The following MYO3A variants were observed in gnomAD, a reference collection of about 807,000 sequenced individuals.
MYO3A encodes myosin IIIA.
A neutral mutation model predicts 192.7 loss-of-function variants in MYO3A; 180 were observed. The ratio of observed to expected loss-of-function variants is 0.93; its 90% CI spans 0.83 to 1.06. The LOEUF is 1.06. Among genes scored for constraint, MYO3A ranks in the 50% least tolerant of loss-of-function variants. The pLI, the probability that MYO3A is intolerant of heterozygous loss-of-function variation, is 0.00. For synonymous variants in MYO3A, 628 were observed against 645.3 expected, an observed-to-expected ratio of 0.97 and a Z score of 0.41; for missense variants, 1,896 against 1,905.0, an observed-to-expected ratio of 1.00 and a Z score of 0.09.
intron 4 of MYO3A, among the ~76,000 whole-genome samples, chr10:25,972,976 T>A (rs1838752127): frequency 6.6e-6 from 1 of 152,212 alleles, no homozygotes; most frequent in Non-Finnish European, 1.5e-5. Flanking sequence ...CAGTTCTTCT[T>A]AGCTGTTTCT....
intron 10 of MYO3A, among the ~76,000 whole-genome samples, chr10:26,054,026 C>T (rs377684532): frequency 1.4e-4 from 21 of 152,036 alleles, no homozygotes; most frequent in African/African-American, 4.8e-4. Context: ...GTTAGAGGCT[C>T]GGCCAAGAGG....
chr10:26,159,481 G>A (rs897350486), intron 26 of MYO3A, among the ~76,000 whole-genome samples: 6 of 146,926 alleles, frequency 4.1e-5, no homozygotes, highest in African/African-American at 1.5e-4. Context: ...GCAAACTCAC[G>A]CCATTCTCCT....
At position 26,070,075 on chromosome 10, in the gene MYO3A, A is replaced by C. The variant is rs752892360; in HGVS notation, c.1171-36A>C. 16 of 1,476,268 alleles carry C rather than the reference A, an allele frequency of 1.1e-5. No homozygotes were observed. In the Admixed American group the frequency reaches 2.8e-4, roughly 26 times the overall value. The allele number at this position is 1,476,268 out of a possible 1,614,324, so 91.4% of individuals were successfully genotyped here. On this transcript the variant is annotated intron_variant, in intron 12 of 34. Coordinates refer to ENST00000642920, the MANE Select transcript of MYO3A (RefSeq NM_017433.5). ...ATAATTCAGGACTTAAATAAAAACA[A>C]AAAGCCCTACAAAATGTATTCTTTT...
chr10:26,001,523 G>A (rs1016974121), intron 6 of MYO3A, among the ~76,000 whole-genome samples: 2 of 152,208 alleles, frequency 1.3e-5, no homozygotes, highest in African/African-American at 4.8e-5. Context: ...CACAGGAAGT[G>A]CTCTCTGCAT....
chr10:26,025,067 C>T (rs1022857055), intron 9 of MYO3A, among the ~76,000 whole-genome samples: 9 of 152,162 alleles, frequency 5.9e-5, no homozygotes, highest in African/African-American at 1.9e-4. Context: ...AAAATAATTT[C>T]ATATGTGCCT....
intron 2 of MYO3A, among the ~76,000 whole-genome samples, chr10:25,951,748 T>C (rs944160358): frequency 5.9e-5 from 9 of 152,174 alleles, no homozygotes; most frequent in Non-Finnish European, 1.2e-4. Flanking sequence ...TTCTCTAAGG[T>C]TCATTCTAAA....
intron 15 of MYO3A, among the ~76,000 whole-genome samples, chr10:26,095,727 G>A (rs1180077513): frequency 6.6e-6 from 1 of 152,204 alleles, no homozygotes; most frequent in Non-Finnish European, 1.5e-5. Flanking sequence ...TCTGGAAAAT[G>A]CTAGTTATGC....
intron 22 of MYO3A, among the ~76,000 whole-genome samples, chr10:26,145,929 T>C (rs1272476279): frequency 6.6e-6 from 1 of 152,242 alleles, no homozygotes; most frequent in African/African-American, 2.4e-5. Flanking sequence ...TGGTTACCTA[T>C]TTGTTTCCTT....
intron 17 of MYO3A, among the ~76,000 whole-genome samples, chr10:26,117,352 A>C (rs1226099945): frequency 1.3e-5 from 2 of 152,180 alleles, no homozygotes; most frequent in African/African-American, 4.8e-5. Flanking sequence ...TTCAGGGTAC[A>C]TGTGCAGGTT....
At chr10:26,082,930 AGT>A (rs1836060080) in intron 14 of MYO3A, among the ~76,000 whole-genome samples, 2 of 152,188 alleles carry the variant, frequency 1.3e-5, no homozygotes, top group African/African-American at 4.8e-5. Context: ...ATCTTAACTG[AGT>A]ACTGATCATG....
intron 31 of MYO3A, among the ~76,000 whole-genome samples, chr10:26,186,285 T>C (rs1198427502): frequency 6.7e-6 from 1 of 149,572 alleles, no homozygotes; most frequent in African/African-American, 2.5e-5. Context: ...TTTTTTTTTT[T>C]AGATGGAGTC....
chr10:26,061,293 C>T (rs967011632), intron 10 of MYO3A, among the ~76,000 whole-genome samples: 1 of 152,172 alleles, frequency 6.6e-6, no homozygotes, highest in Non-Finnish European at 1.5e-5. Context: ...GATTTCTACA[C>T]ACAACTTTCT....
At chr10:26,043,671 T>C (rs1843482607) in intron 10 of MYO3A, among the ~76,000 whole-genome samples, 1 of 152,104 alleles carries the variant, frequency 6.6e-6, no homozygotes, top group Non-Finnish European at 1.5e-5. Context: ...TTCATTCAGC[T>C]CATGGTGAAT....
rs765346513 is a variant in MYO3A at position 26,166,077 on chromosome 10, C to T, written c.3010C>T (p.Leu1004Phe). 7 of 1,614,106 alleles carry T rather than the reference C, an allele frequency of 4.3e-6. No individual in the cohort carries two copies. The Admixed American group carries it at 8.3e-5, about 19-fold the overall frequency. The part of the protein sequence containing the change: ...FANFIKRYYL[L>F]CYKSSEEPRM... ...TTTTTCCATTCCAAGGTACTACCTT[C>T]TCTGCTACAAGTCGAGCGAGGAGCC... The change falls in exon 27 of 35, where the codon CTC becomes TTC. Residue 1004 changes from leucine (L) to phenylalanine (F), a missense_variant. Coordinates refer to ENST00000642920, the MANE Select transcript of MYO3A (RefSeq NM_017433.5).
At chr10:26,210,429 G>A (rs1490932907) in intron 34 of MYO3A, among the ~76,000 whole-genome samples, 2 of 152,098 alleles carry the variant, frequency 1.3e-5, no homozygotes, top group African/African-American at 4.8e-5. Context: ...CACACCCCAC[G>A]TTTAATCCAT....
At chr10:26,067,192 T>C in intron 11 of MYO3A, 118 bp downstream of exon 11, 1 of 701,702 alleles carries the variant, frequency 1.4e-6, no homozygotes, top group Non-Finnish European at 2.5e-6. Flanking sequence ...TTAAGAATCT[T>C]AACACTCACT....
At chr10:26,196,132 C>A (rs1843395870) in intron 32 of MYO3A, among the ~76,000 whole-genome samples, 1 of 152,218 alleles carries the variant, frequency 6.6e-6, no homozygotes. Context: ...AATACTCTGA[C>A]ATTTGTTTAT....
intron 17 of MYO3A, among the ~76,000 whole-genome samples, chr10:26,103,508 T>C (rs1388451631): frequency 6.6e-6 from 1 of 152,238 alleles, no homozygotes. Flanking sequence ...TTCGGCCATC[T>C]TGGAGTCAGT....
At chr10:26,076,872 G>A (rs190765525) in intron 14 of MYO3A, among the ~76,000 whole-genome samples, 13 of 152,202 alleles carry the variant, frequency 8.5e-5, no homozygotes, top group African/African-American at 3.1e-4. Flanking sequence ...TTTTATACGA[G>A]TACCATGCTG....
Sources: gnomAD v4.1 joint callset for allele counts (sites outside exome capture counted in the v4.1 genomes callset) on GRCh38, gnomAD v4.1.1 for gene constraint, MANE v1.5 for transcripts, NCBI Gene and HGNC (gene_info 2026-07-23, HGNC 2026-07-21) for gene names.